The following DCAF7 variants were observed in gnomAD, a reference collection of about 807,000 sequenced individuals.
The protein encoded by DCAF7 is DDB1- and CUL4-associated factor 7.
A neutral mutation model predicts 41.2 loss-of-function variants in DCAF7; 4 were observed. That is an observed-to-expected ratio of 0.10 (90% confidence interval 0.05 to 0.22). The LOEUF (loss-of-function observed/expected upper bound fraction) is 0.22. Among genes scored for constraint, DCAF7 ranks in the 10% least tolerant of loss-of-function variants. The pLI is 1.00. For missense variants in DCAF7, 131 were observed against 443.2 expected, an observed-to-expected ratio of 0.30 and a Z score of 6.32; for synonymous variants, 143 against 164.2, an observed-to-expected ratio of 0.87 and a Z score of 0.99.
intron 1 of DCAF7, among the ~76,000 whole-genome samples, chr17:63,571,527 G>T (rs1303480142): frequency 1.3e-5 from 2 of 151,928 alleles, no homozygotes; most frequent in Non-Finnish European, 2.9e-5. Flanking sequence ...TTAATTTTTT[G>T]TGTGTGGGGG....
At chr17:63,554,795 A>G (rs886519868) in intron 1 of DCAF7, among the ~76,000 whole-genome samples, 1 of 152,232 alleles carries the variant, frequency 6.6e-6, no homozygotes, top group Admixed American at 6.5e-5. Context: ...TGTAATTGAA[A>G]TATAACCAAA....
intron 1 of DCAF7, among the ~76,000 whole-genome samples, chr17:63,567,971 C>T (rs2033462808): frequency 6.6e-6 from 1 of 151,754 alleles, no homozygotes; most frequent in Non-Finnish European, 1.5e-5. Context: ...AGCCTGGCAT[C>T]CTTCTTAAAT....
intron 4 of DCAF7, among the ~76,000 whole-genome samples, chr17:63,581,913 TC>T (rs1463294509): frequency 6.6e-6 from 1 of 152,162 alleles, no homozygotes; most frequent in Admixed American, 6.5e-5. Context: ...TTGGGAGTTG[TC>T]ACCTTCCCTT....
intron 4 of DCAF7, among the ~76,000 whole-genome samples, chr17:63,580,797 C>T (rs572751975): frequency 6.6e-6 from 1 of 152,304 alleles, no homozygotes; most frequent in South Asian, 2.1e-4. Flanking sequence ...GCTGGGATTA[C>T]AGGCGTGAGC....
chr17:63,588,877 G>T (rs2033705310), intron 6 of DCAF7, 123 bp from the exon 7 acceptor site: 1 of 1,040,524 alleles, frequency 9.6e-7, no homozygotes. Flanking sequence ...ATAAAATGGG[G>T]GCTTAAAATA....
chr17:63,564,471 C>T (rs910778454), intron 1 of DCAF7, among the ~76,000 whole-genome samples: 4 of 152,088 alleles, frequency 2.6e-5, no homozygotes, highest in African/African-American at 4.8e-5. Context: ...TATTAATAAC[C>T]GAACAAGAAC....
At chr17:63,563,509 C>T (rs906532258) in intron 1 of DCAF7, among the ~76,000 whole-genome samples, 1 of 152,138 alleles carries the variant, frequency 6.6e-6, no homozygotes, top group African/African-American at 2.4e-5. Flanking sequence ...GAAAAAAATA[C>T]AGCAGTTCAT....
chr17:63,565,301 A>G (rs1370693337), intron 1 of DCAF7, among the ~76,000 whole-genome samples: 2 of 152,234 alleles, frequency 1.3e-5, no homozygotes, highest in African/African-American at 2.4e-5. Flanking sequence ...GTGGCCGGGC[A>G]TGGTGGCTCA....
In DCAF7 at chr17:63,562,836, T is replaced by C. The variant is rs527553835; in HGVS notation, c.138+12021T>C. On this transcript the variant is annotated intron_variant, in intron 1 of 6. Transcript: ENST00000614556. ...GAAAATATTTTCTTTTTTTTTTTTTTCTTTTGAGACACTGTCTTGCTCTAT... is the reference window on the plus strand; with the variant it reads ...GAAAATATTTTCTTTTTTTTTTTTTCCTTTTGAGACACTGTCTTGCTCTAT... Among the ~76,000 whole-genome samples the C allele has an allele frequency of 5.1e-4, 74 of 143,754 alleles. No individual in the cohort carries two copies. The South Asian group carries it at 0.015, about 30-fold the overall frequency. The allele number at this position is 143,754 out of a possible 152,430, so 94.3% of individuals were successfully genotyped here. A position where few individuals can be genotyped will look rare whatever the true frequency, so the allele number is the denominator to read the frequency against.
In DCAF7 at chr17:63,578,557, TG is replaced by T. The variant is rs1231293244; in HGVS notation, c.228del (p.Trp76Ter). 6.2e-7 allele frequency: 1 copy of T among 1,613,896 alleles called. No individual in the cohort carries two copies. The highest frequency in any genetic ancestry group is 8.5e-7 in the Non-Finnish European group (1 of 1,179,888). On this transcript the variant is annotated frameshift_variant, in exon 2 of 7. Coordinates refer to ENST00000614556, the MANE Select transcript of DCAF7 (RefSeq NM_005828.5). LOFTEE classifies it high-confidence loss of function. ...DHPYPTTKLM[W>X]IPDTKGVYPD... ...CCCATACCCCACCACAAAGCTCATG[TG>T]GATCCCTGACACAAAAGGCGTCTAT...
chr17:63,559,391 ATATATATG>A (rs1275405766), intron 1 of DCAF7, among the ~76,000 whole-genome samples: 7 of 97,050 alleles, frequency 7.2e-5, no homozygotes, highest in African/African-American at 4.7e-4. Context: ...ATATATGTAT[ATATATATG>A]TATATATATG....
intron 1 of DCAF7, among the ~76,000 whole-genome samples, chr17:63,564,352 C>G (rs1472392912): frequency 6.6e-6 from 1 of 152,172 alleles, no homozygotes; most frequent in African/African-American, 2.4e-5. Flanking sequence ...GGGGTTCAGG[C>G]TAGAACTCTG....
rs1420853234 is a variant in DCAF7 at position 63,578,619 on chromosome 17, T to C, written c.288T>C (p.Arg96=). 6.2e-7 allele frequency: 1 copy of C among 1,613,952 alleles called. No homozygotes were observed. Among genetic ancestry groups the C allele is most frequent in the East Asian group, 2.2e-5 (1 of 44,882 alleles). ...TGGCAACAAGCGGTGACTATCTCCG[T>C]GTGTGGAGGGTAAGCGGATGCTTTA... The part of the protein sequence containing the change: ...DLLATSGDYL[R]VWRVGETETR... The change falls in exon 2 of 7, where the codon CGT becomes CGC. Residue 96 remains arginine, a synonymous_variant. Coordinates refer to ENST00000614556, the MANE Select transcript of DCAF7 (RefSeq NM_005828.5).
intron 1 of DCAF7, among the ~76,000 whole-genome samples, chr17:63,551,034 T>C (rs1490874606): frequency 6.6e-6 from 1 of 152,256 alleles, no homozygotes; most frequent in Non-Finnish European, 1.5e-5. Flanking sequence ...GTGGGGAAAC[T>C]GAGGCACGGT....
intron 4 of DCAF7, among the ~76,000 whole-genome samples, chr17:63,581,297 G>A (rs2033620091): frequency 6.6e-6 from 1 of 152,154 alleles, no homozygotes; most frequent in Admixed American, 6.6e-5. Context: ...CCAGAAAATG[G>A]GAACTACTCT....
At chr17:63,559,433 G>GTATATATATA (rs1263888953) in intron 1 of DCAF7, among the ~76,000 whole-genome samples, 1 of 112,450 alleles carries the variant, frequency 8.9e-6, no homozygotes, top group East Asian at 2.2e-4. Context: ...ATATATATAT[G>GTATATATATA]TGTGTGTATA....
intron 2 of DCAF7, 41 bp from the exon 3 acceptor site, chr17:63,579,295 GA>G: frequency 2.1e-6 from 3 of 1,408,750 alleles, no homozygotes; most frequent in Non-Finnish European, 3.0e-6. Flanking sequence ...TTTTTATGAG[GA>G]TAAGACTGGC....
chr17:63,582,623 C>T (rs781527914), intron 4 of DCAF7, among the ~76,000 whole-genome samples: 24 of 152,088 alleles, frequency 1.6e-4, no homozygotes, highest in Non-Finnish European at 2.9e-4. Flanking sequence ...CACCAGACAC[C>T]ACACTCAGCT....
In DCAF7 at chr17:63,550,553, T is replaced by C. The variant is rs2033237025; in HGVS notation, c.-125T>C. 1.4e-6 allele frequency: 2 copies of C among 1,418,086 alleles called. No individual in the cohort carries two copies. The highest frequency in any genetic ancestry group is 1.9e-6 in the Non-Finnish European group (2 of 1,073,058). 87.8% of individuals were successfully genotyped at this position (1,418,086 alleles called of 1,614,324 possible). A position where few individuals can be genotyped will look rare whatever the true frequency, so the allele number is the denominator to read the frequency against. Reference sequence around the variant, plus strand: ...CGTTGTTTGTCGCCGCATCCCCGCTTCCGGGTTAGGCCGTTCCTGCCCGCC... The same window carrying C: ...CGTTGTTTGTCGCCGCATCCCCGCTCCCGGGTTAGGCCGTTCCTGCCCGCC... On this transcript the variant is annotated 5_prime_UTR_variant, in exon 1 of 7. Coordinates refer to ENST00000614556, the MANE Select transcript of DCAF7 (RefSeq NM_005828.5). This position sits in a 1 kb window ranked among gnomAD's most constrained non-coding sequence, Gnocchi z 4.8.
Sources: gnomAD v4.1 joint callset for allele counts (sites outside exome capture counted in the v4.1 genomes callset) on GRCh38, gnomAD v4.1.1 for gene constraint, Gnocchi (gnomAD v3.1) non-coding constraint, MANE v1.5 for transcripts, NCBI Gene and HGNC (gene_info 2026-07-23, HGNC 2026-07-21) for gene names.